NEGR1: variants seen among roughly 807,000 people sequenced by gnomAD.
NEGR1 encodes neuronal growth regulator 1, also known as IgLON family member 4.
A neutral mutation model predicts 40.9 loss-of-function variants in NEGR1; 10 were observed. The ratio of observed to expected loss-of-function variants is 0.24; its 90% CI spans 0.15 to 0.42. NEGR1 has a LOEUF of 0.42. Among genes scored for constraint, NEGR1 ranks in the 10% least tolerant of loss-of-function variants. The probability of loss-of-function intolerance (pLI) is 1.00; values close to 1 mark genes in which losing one functional copy is unlikely to be tolerated. For synonymous variants in NEGR1, 185 were observed against 166.8 expected (o/e 1.11, Z -0.84); for missense variants, 352 against 438.9 (o/e 0.80, Z 1.77).
At chr1:72,281,210 G>A (rs528483953) in intron 1 of NEGR1, among the ~76,000 whole-genome samples, 2 of 152,068 alleles carry the variant, frequency 1.3e-5, no homozygotes, top group South Asian at 4.1e-4. Flanking sequence ...GGAATAAAAA[G>A]GGGATAGAAA....
chr1:71,400,623 A>G lies in NEGR1; in HGVS notation c.*6823T>C, dbSNP rs547217634. 2 of 151,460 alleles carry G rather than the reference A, an allele frequency of 1.3e-5. No individual in the cohort carries two copies. The highest frequency in any genetic ancestry group is 4.8e-5 in the African/African-American group (2 of 41,338). The allele number at this position is 151,460 out of a possible 1,614,324, so 9.4% of individuals were successfully genotyped here. A position where few individuals can be genotyped will look rare whatever the true frequency, so the allele number is the denominator to read the frequency against. The stretch of plus-strand genomic sequence containing the variant: ...GGAAGAAAAGGAGTAATTAAAAAAC[A>G]TAGATTATTAGATAGATAGGTTACT... On this transcript the variant is annotated 3_prime_UTR_variant, in exon 7 of 7. Transcript: ENST00000357731.
At chr1:71,551,051 T>C (rs1648059666) in intron 6 of NEGR1, among the ~76,000 whole-genome samples, 1 of 151,510 alleles carries the variant, frequency 6.6e-6, no homozygotes, top group African/African-American at 2.4e-5. Context: ...TTAAGAAGAA[T>C]TTCTATGTAT....
At chr1:72,220,784 C>A (rs1034406239) in intron 1 of NEGR1, among the ~76,000 whole-genome samples, 1 of 151,924 alleles carries the variant, frequency 6.6e-6, no homozygotes, top group Non-Finnish European at 1.5e-5. Context: ...AAGTAAAATA[C>A]TCTGAGCACT....
intron 4 of NEGR1, among the ~76,000 whole-genome samples, chr1:71,641,025 G>A (rs559088128): frequency 6.6e-6 from 1 of 152,110 alleles, no homozygotes; most frequent in East Asian, 2.0e-4. Flanking sequence ...TGCAAATTCT[G>A]CTCATGTTGA....
At chr1:71,656,532 C>T (rs1651883035) in intron 4 of NEGR1, among the ~76,000 whole-genome samples, 1 of 152,140 alleles carries the variant, frequency 6.6e-6, no homozygotes, top group African/African-American at 2.4e-5. Context: ...CCTGCCTCAG[C>T]CTCCCGAGTA....
At chr1:71,927,596 A>G (rs1645786770) in intron 2 of NEGR1, among the ~76,000 whole-genome samples, 1 of 152,000 alleles carries the variant, frequency 6.6e-6, no homozygotes, top group African/African-American at 2.4e-5. Flanking sequence ...TTTAGATATC[A>G]GACCATTGTC....
chr1:71,504,753 GA>G (rs1647021504), intron 6 of NEGR1, among the ~76,000 whole-genome samples: 1 of 152,162 alleles, frequency 6.6e-6, no homozygotes, highest in South Asian at 2.1e-4. Flanking sequence ...GGTAAAAGGG[GA>G]GGGATTTTAG....
intron 2 of NEGR1, among the ~76,000 whole-genome samples, chr1:71,784,391 G>T (rs1226552241): frequency 6.6e-6 from 1 of 151,656 alleles, no homozygotes; most frequent in Admixed American, 6.6e-5. Context: ...GCCTTCAAGG[G>T]ACTAATGTTA....
chr1:71,808,776 C>T (rs1657874712), intron 2 of NEGR1, among the ~76,000 whole-genome samples: 1 of 151,810 alleles, frequency 6.6e-6, no homozygotes, highest in Non-Finnish European at 1.5e-5. Context: ...TTTTTTTTCA[C>T]AGTGGTAGAC....
chr1:72,008,633 A>G (rs1222216057), intron 1 of NEGR1, among the ~76,000 whole-genome samples: 3 of 152,074 alleles, frequency 2.0e-5, no homozygotes, highest in African/African-American at 7.2e-5. Flanking sequence ...TTCTATAAAC[A>G]CCTGTGATTG....
chr1:71,831,148 G>C (rs949580880), intron 2 of NEGR1, among the ~76,000 whole-genome samples: 1 of 151,960 alleles, frequency 6.6e-6, no homozygotes, highest in Non-Finnish European at 1.5e-5. Flanking sequence ...CAGAAAAACA[G>C]TATGCTGTCT....
At chr1:71,498,525 C>T (rs1264745868) in intron 6 of NEGR1, among the ~76,000 whole-genome samples, 2 of 152,056 alleles carry the variant, frequency 1.3e-5, no homozygotes, top group African/African-American at 2.4e-5. Flanking sequence ...GTAAATTGCT[C>T]GGGTGTGCAG....
intron 1 of NEGR1, among the ~76,000 whole-genome samples, chr1:72,160,496 A>G (rs1651517298): frequency 6.6e-6 from 1 of 152,126 alleles, no homozygotes; most frequent in Non-Finnish European, 1.5e-5. Flanking sequence ...AAATATTTTT[A>G]ACTAAAAAGT....
chr1:71,486,365 T>C (rs993693363), intron 6 of NEGR1: 1 of 151,544 alleles, frequency 6.6e-6, no homozygotes, highest in Non-Finnish European at 1.5e-5. Context: ...CTGATGTCTT[T>C]TGCAAATATT....
intron 2 of NEGR1, among the ~76,000 whole-genome samples, chr1:71,906,894 T>C (rs752690731): frequency 6.6e-6 from 1 of 152,180 alleles, no homozygotes; most frequent in Non-Finnish European, 1.5e-5. Context: ...TTAGAAAAGA[T>C]AGTCTTGAGG....
intron 1 of NEGR1, among the ~76,000 whole-genome samples, chr1:72,182,852 A>AG (rs5775109): frequency 1.3e-5 from 2 of 151,568 alleles, no homozygotes; most frequent in Middle Eastern, 3.5e-3. Context: ...AGTTAATAAA[A>AG]GACCCATCCC....
At chr1:71,677,490 G>A (rs1300781829) in intron 4 of NEGR1, among the ~76,000 whole-genome samples, 1 of 152,048 alleles carries the variant, frequency 6.6e-6, no homozygotes, top group African/African-American at 2.4e-5. Context: ...TGAACATTGG[G>A]TTCTTGTGTA....
chr1:71,786,991 A>G (rs1264511453), intron 2 of NEGR1, among the ~76,000 whole-genome samples: 2 of 152,226 alleles, frequency 1.3e-5, no homozygotes, highest in East Asian at 1.9e-4. Flanking sequence ...GAGGCACCAC[A>G]TGCGGTCGCC....
chr1:72,228,506 A>C (rs959012285), intron 1 of NEGR1, among the ~76,000 whole-genome samples: 1 of 152,146 alleles, frequency 6.6e-6, no homozygotes, highest in East Asian at 1.9e-4. Flanking sequence ...CTCAGGCCCA[A>C]TAACTGAATG....
Sources: gnomAD v4.1 joint callset for allele counts (sites outside exome capture counted in the v4.1 genomes callset) on GRCh38, gnomAD v4.1.1 for gene constraint, MANE v1.5 for transcripts, NCBI Gene and HGNC (gene_info 2026-07-23, HGNC 2026-07-21) for gene names.